The following NYAP2 variants were observed in gnomAD, a reference collection of about 807,000 sequenced individuals.
The protein encoded by NYAP2 is neuronal tyrosine-phosphorylated phosphoinositide-3-kinase adapter 2.
A neutral mutation model predicts 50.4 loss-of-function variants in NYAP2; 23 were observed. The observed-to-expected ratio is 0.46, with a 90% CI of 0.33 to 0.65. The LOEUF is 0.65. NYAP2 is among the 30% of genes least tolerant of loss of function. The probability of loss-of-function intolerance (pLI) is 0.02; values close to 1 mark genes in which losing one functional copy is unlikely to be tolerated. For synonymous variants in NYAP2, 394 were observed against 365.2 expected (o/e 1.08, Z -0.90); for missense variants, 885 against 861.0 (o/e 1.03, Z -0.35).
chr2:225,683,002 T>TAGTC, the NYAP2 span, among the ~76,000 whole-genome samples: 2 of 123,874 alleles, frequency 1.6e-5, no homozygotes, highest in African/African-American at 4.1e-5. Context: ...AGGGTAGTAA[T>TAGTC]AGTCATTTCC....
chr2:225,623,786 T>G (rs1693164773), intron 5 of NYAP2, among the ~76,000 whole-genome samples: 1 of 152,334 alleles, frequency 6.6e-6, no homozygotes, highest in Non-Finnish European at 1.5e-5. Context: ...AATAAATAGC[T>G]TCTATTTCCA....
At chr2:225,675,267 G>C in the NYAP2 span, among the ~76,000 whole-genome samples, 3 of 151,980 alleles carry the variant, frequency 2.0e-5, no homozygotes, top group African/African-American at 7.3e-5. Flanking sequence ...TACCCAATGG[G>C]CATTTCTTCA....
At chr2:225,441,092 T>C (rs928705305) in intron 3 of NYAP2, among the ~76,000 whole-genome samples, 2 of 152,178 alleles carry the variant, frequency 1.3e-5, no homozygotes, top group African/African-American at 4.8e-5. Flanking sequence ...AGTGGCATCC[T>C]TTGGGCCCTC....
intron 6 of NYAP2, among the ~76,000 whole-genome samples, chr2:225,639,428 A>G (rs962757404): frequency 6.6e-6 from 1 of 152,230 alleles, no homozygotes; most frequent in East Asian, 1.9e-4. Flanking sequence ...TGTACTTCAC[A>G]AAAACCTGTG....
the NYAP2 span, among the ~76,000 whole-genome samples, chr2:225,661,235 A>G: frequency 6.6e-6 from 1 of 152,246 alleles, no homozygotes; most frequent in African/African-American, 2.4e-5. Flanking sequence ...AAATGTTTAC[A>G]TGCTGTTAGT....
At chr2:225,467,183 C>T (rs1469708341) in intron 3 of NYAP2, among the ~76,000 whole-genome samples, 4 of 152,178 alleles carry the variant, frequency 2.6e-5, no homozygotes, top group Non-Finnish European at 5.9e-5. Context: ...TTGAGGCATT[C>T]TTCCCTTACC....
At chr2:225,579,411 T>C (rs1247194619) in intron 4 of NYAP2, among the ~76,000 whole-genome samples, 1 of 152,242 alleles carries the variant, frequency 6.6e-6, no homozygotes, top group African/African-American at 2.4e-5. Flanking sequence ...AAATGGATTG[T>C]CCAGATTCCT....
chr2:225,446,244 C>A lies in NYAP2; in HGVS notation c.221+37143C>A, dbSNP rs866828274. ...TCTCTCTCTCTCTCTCTCTCTCTCT[C>A]TCTATATATATATATATATATATAT... On this transcript the variant is annotated intron_variant, in intron 3 of 6. Transcript: ENST00000636099. Among the ~76,000 whole-genome samples, 520 of 112,106 alleles carry A rather than the reference C, an allele frequency of 4.6e-3. 6 individuals are homozygous for A. The highest frequency in any genetic ancestry group is 0.015 in the African/African-American group (443 of 30,038). The allele number at this position is 112,106 out of a possible 152,430, so 73.5% of individuals were successfully genotyped here.
intron 2 of NYAP2, among the ~76,000 whole-genome samples, chr2:225,402,497 G>T (rs1032368399): frequency 6.6e-6 from 1 of 151,944 alleles, no homozygotes; most frequent in Non-Finnish European, 1.5e-5. Context: ...TAATGGAAAT[G>T]TACAATCTCT....
At chr2:225,490,434 A>C (rs77102577) in intron 3 of NYAP2, among the ~76,000 whole-genome samples, 3 of 152,218 alleles carry the variant, frequency 2.0e-5, no homozygotes, top group Admixed American at 1.3e-4. Context: ...CATCAGTATA[A>C]AATGCATTTT....
the NYAP2 span, among the ~76,000 whole-genome samples, chr2:225,678,854 C>T: frequency 7.1e-4 from 108 of 152,192 alleles, no homozygotes; most frequent in Middle Eastern, 3.4e-3. Flanking sequence ...TGCTGAGTTT[C>T]ATGGACAAAT....
chr2:225,638,962 T>G (rs1291534747), intron 6 of NYAP2, among the ~76,000 whole-genome samples: 2 of 152,154 alleles, frequency 1.3e-5, no homozygotes, highest in African/African-American at 4.8e-5. Flanking sequence ...TGAGATAATA[T>G]TCATAGTTTT....
At chr2:225,528,951 G>C (rs1217429494) in intron 4 of NYAP2, among the ~76,000 whole-genome samples, 1 of 152,188 alleles carries the variant, frequency 6.6e-6, no homozygotes, top group South Asian at 2.1e-4. Context: ...AGACGAAGTG[G>C]AGAAAGGGCA....
chr2:225,581,945 A>T (rs1040740988), exon 5 of NYAP2: 3 of 1,590,888 alleles, frequency 1.9e-6, no homozygotes, highest in Non-Finnish European at 2.6e-6. Flanking sequence ...TTTTAGCGTC[A>T]GCTAAACCAA....
At chr2:225,544,635 G>A (rs755256519) in intron 4 of NYAP2, among the ~76,000 whole-genome samples, 11 of 151,844 alleles carry the variant, frequency 7.2e-5, no homozygotes, top group African/African-American at 1.7e-4. Context: ...TTGTTGTACC[G>A]TCTATGTCTT....
At chr2:225,532,706 T>C (rs1372520310) in intron 4 of NYAP2, among the ~76,000 whole-genome samples, 1 of 152,154 alleles carries the variant, frequency 6.6e-6, no homozygotes, top group Non-Finnish European at 1.5e-5. Flanking sequence ...ATTTGGGGTC[T>C]CTAACCCTAT....
intron 5 of NYAP2, among the ~76,000 whole-genome samples, chr2:225,625,003 A>G (rs1693184629): frequency 1.4e-5 from 2 of 139,874 alleles, no homozygotes; most frequent in Admixed American, 1.6e-4. Flanking sequence ...CATTTGTGTT[A>G]TCACACTGCT....
At chr2:225,556,871 A>G (rs1691785828) in intron 4 of NYAP2, among the ~76,000 whole-genome samples, 1 of 152,196 alleles carries the variant, frequency 6.6e-6, no homozygotes, top group Non-Finnish European at 1.5e-5. Flanking sequence ...ATAATTATGC[A>G]TAACAGTCAG....
chr2:225,678,065 GT>G, the NYAP2 span, among the ~76,000 whole-genome samples: 19 of 151,824 alleles, frequency 1.3e-4, no homozygotes, highest in Admixed American at 1.2e-3. Context: ...TTGGTTGGTT[GT>G]TTTTTTAATT....
Sources: allele counts gnomAD v4.1 joint callset (sites outside exome capture counted in the v4.1 genomes callset), GRCh38; gene constraint gnomAD v4.1.1; transcripts MANE v1.5; gene names NCBI Gene and HGNC (gene_info 2026-07-23, HGNC 2026-07-21).